ANKRD12: variants seen among roughly 807,000 people sequenced by gnomAD.
ANKRD12 encodes the protein ankyrin repeat domain 12.
ANKRD12 carries 85 observed loss-of-function variants against 183.4 expected under a neutral mutation model. That is an observed-to-expected ratio of 0.46 (90% confidence interval 0.39 to 0.56). The LOEUF (loss-of-function observed/expected upper bound fraction) is 0.56. Among genes scored for constraint, ANKRD12 ranks in the 20% least tolerant of loss-of-function variants. ANKRD12 has a pLI of 0.00. For missense variants in ANKRD12, 2,405 were observed against 2,357.1 expected, an observed-to-expected ratio of 1.02 and a Z score of -0.42; for synonymous variants, 914 against 800.2, an observed-to-expected ratio of 1.14 and a Z score of -2.40.
At chr18:9,196,755 C>T (rs1407215641) in intron 3 of ANKRD12, among the ~76,000 whole-genome samples, 6 of 152,154 alleles carry the variant, frequency 3.9e-5, no homozygotes, top group Admixed American at 3.3e-4. Flanking sequence ...CATTTTTAAA[C>T]TTTGAAGATT....
chr18:9,199,639 T>C (rs2035053276), intron 3 of ANKRD12, among the ~76,000 whole-genome samples: 1 of 152,174 alleles, frequency 6.6e-6, no homozygotes, highest in Admixed American at 6.5e-5. Context: ...ATATAAACTT[T>C]TTAATGTTCC....
At chr18:9,146,384 A>G (rs1406942526) in intron 1 of ANKRD12, among the ~76,000 whole-genome samples, 3 of 152,118 alleles carry the variant, frequency 2.0e-5, no homozygotes, top group Admixed American at 6.5e-5. Context: ...GTGAGACTCC[A>G]TCTACAAAAG....
chr18:9,158,734 T>G (rs900199741), intron 1 of ANKRD12, among the ~76,000 whole-genome samples: 2 of 152,152 alleles, frequency 1.3e-5, no homozygotes, highest in Non-Finnish European at 2.9e-5. Flanking sequence ...AGAAAGTCAC[T>G]CTACCCAGGC....
At chr18:9,267,227 A>G (rs2039344507) in intron 10 of ANKRD12, among the ~76,000 whole-genome samples, 1 of 152,196 alleles carries the variant, frequency 6.6e-6, no homozygotes, top group Non-Finnish European at 1.5e-5. Flanking sequence ...GAGAAAGTTA[A>G]CAAGGATATC....
chr18:9,173,868 A>C (rs1479026204), intron 1 of ANKRD12, among the ~76,000 whole-genome samples: 2 of 152,204 alleles, frequency 1.3e-5, no homozygotes, highest in African/African-American at 4.8e-5. Flanking sequence ...GTGTACCCTA[A>C]AACTTAAAGT....
intron 4 of ANKRD12, among the ~76,000 whole-genome samples, chr18:9,207,647 A>G (rs777211935): frequency 4.6e-5 from 7 of 152,042 alleles, no homozygotes; most frequent in Non-Finnish European, 1.0e-4. Flanking sequence ...CACTATTTTG[A>G]CTACTAAGCC....
At chr18:9,203,331 T>C (rs2035285305) in intron 3 of ANKRD12, among the ~76,000 whole-genome samples, 1 of 152,214 alleles carries the variant, frequency 6.6e-6, no homozygotes, top group African/African-American at 2.4e-5. Context: ...ACTTGTTCTC[T>C]AAGTTGTTTT....
chr18:9,222,165 G>C (rs1467962807), intron 8 of ANKRD12, among the ~76,000 whole-genome samples, 166 bp downstream of exon 8: 1 of 152,150 alleles, frequency 6.6e-6, no homozygotes, highest in Non-Finnish European at 1.5e-5. Flanking sequence ...TAGTAACCTA[G>C]GTGTTTGCTA....
chr18:9,256,664 T>C lies in ANKRD12; in HGVS notation c.3397T>C (p.Ser1133Pro), dbSNP rs754130216. ...AAAAACAAAGCATACACCAACTGAA[T>C]CCAAAAATAAAGAACTTACTAGGTC... ...KEKTKHTPTESKNKELTRSKS... is the reference protein window; with the variant it reads ...KEKTKHTPTEPKNKELTRSKS... The change falls in exon 9 of 13, where the codon TCC becomes CCC. Residue 1133 changes from serine (S) to proline (P), a missense_variant. Around this residue, in one of 7 missense-constraint regions of ANKRD12, gnomAD observed 1,983 missense variants for 1,725.9 expected, o/e 1.15. Coordinates refer to ENST00000262126, the MANE Select transcript of ANKRD12 (RefSeq NM_015208.5). 3.7e-6 allele frequency: 6 copies of C among 1,606,688 alleles called. No individual in the cohort carries two copies. In the East Asian group the frequency reaches 1.3e-4, roughly 36 times the overall value.
chr18:9,254,601 T>G lies in ANKRD12; in HGVS notation c.1334T>G (p.Val445Gly). The G allele has an allele frequency of 6.3e-7, 1 of 1,584,238 alleles. No individual in the cohort carries two copies. The highest frequency in any genetic ancestry group is 8.6e-7 in the Non-Finnish European group (1 of 1,169,256). The change falls in exon 9 of 13, where the codon GTC (valine) becomes GGC (glycine). Residue 445 changes from valine to glycine, a missense_variant. Coordinates refer to ENST00000262126, the MANE Select transcript of ANKRD12 (RefSeq NM_015208.5). Reference protein sequence around the residue: ...QNKKISTSCSVIPETSNSDMQ... With the variant: ...QNKKISTSCSGIPETSNSDMQ... ...AAAAAGATTTCTACTTCATGTTCCGTCATCCCTGAAACATCAAATTCTGAT... is the reference window on the plus strand; with the variant it reads ...AAAAAGATTTCTACTTCATGTTCCGGCATCCCTGAAACATCAAATTCTGAT...
At chr18:9,263,683 C>T (rs2039116792) in intron 9 of ANKRD12, 107 bp from the exon 10 acceptor site, 1 of 663,598 alleles carries the variant, frequency 1.5e-6, no homozygotes, top group African/African-American at 1.9e-5. Context: ...ATTCACAGGA[C>T]ATCAGAATTT....
At chr18:9,235,061 A>T (rs1342086894) in intron 8 of ANKRD12, among the ~76,000 whole-genome samples, 1 of 152,116 alleles carries the variant, frequency 6.6e-6, no homozygotes, top group Non-Finnish European at 1.5e-5. Context: ...TCAAGGTATG[A>T]TTACCTATTT....
At chr18:9,266,738 A>C (rs2039311755) in intron 10 of ANKRD12, among the ~76,000 whole-genome samples, 1 of 152,154 alleles carries the variant, frequency 6.6e-6, no homozygotes, top group Admixed American at 6.5e-5. Flanking sequence ...CTAACATCAT[A>C]ATGACAGGAT....
In ANKRD12 at chr18:9,257,983, A is replaced by G; in HGVS notation, c.4716A>G (p.Ala1572=). The change falls in exon 9 of 13, where the codon GCA becomes GCG. Residue 1572 remains alanine (A), a synonymous_variant. Coordinates refer to ENST00000262126, the MANE Select transcript of ANKRD12 (RefSeq NM_015208.5). ...PVYSDSTIQE[A]SPNFEKAYTL... is the part of the protein sequence containing the mutation. ...ACTCTGACAGCACTATTCAAGAAGC[A>G]TCACCAAACTTTGAGAAAGCTTATA... 6.2e-7 allele frequency: 1 copy of G among 1,613,836 alleles called. No individual in the cohort carries two copies. Among genetic ancestry groups the G allele is most frequent in the Non-Finnish European group, 8.5e-7 (1 of 1,179,930 alleles).
chr18:9,265,734 G>A (rs940319228), intron 10 of ANKRD12, among the ~76,000 whole-genome samples: 2 of 152,164 alleles, frequency 1.3e-5, no homozygotes, highest in African/African-American at 4.8e-5. Context: ...CCAAAGGAAC[G>A]CAGCTCCTCA....
chr18:9,264,493 T>A (rs543355521), intron 10 of ANKRD12, among the ~76,000 whole-genome samples: 1 of 152,284 alleles, frequency 6.6e-6, no homozygotes, highest in East Asian at 1.9e-4. Flanking sequence ...AAAATTTGTA[T>A]ATAACTTCTT....
At chr18:9,147,641 A>G (rs2078537016) in intron 1 of ANKRD12, among the ~76,000 whole-genome samples, 1 of 152,212 alleles carries the variant, frequency 6.6e-6, no homozygotes, top group Non-Finnish European at 1.5e-5. Context: ...TAGTGAGAGC[A>G]GTGTGACTAG....
intron 1 of ANKRD12, among the ~76,000 whole-genome samples, chr18:9,174,434 A>G (rs1026788887): frequency 3.3e-5 from 5 of 152,188 alleles, no homozygotes; most frequent in Non-Finnish European, 5.9e-5. Context: ...AGCCTGAGCA[A>G]CTGCTCTGCC....
chr18:9,252,979 C>A (rs2038390343), intron 8 of ANKRD12, among the ~76,000 whole-genome samples: 1 of 152,044 alleles, frequency 6.6e-6, no homozygotes, highest in South Asian at 2.1e-4. Flanking sequence ...GCTAATGTTT[C>A]CCCTTAATCG....
Sources: gnomAD v4.1 joint callset for allele counts (sites outside exome capture counted in the v4.1 genomes callset) on GRCh38, gnomAD v4.1.1 for gene constraint, gnomAD v4.1.1 regional missense constraint, MANE v1.5 for transcripts, NCBI Gene and HGNC (gene_info 2026-07-23, HGNC 2026-07-21) for gene names.